The following OR2AJ1 variants were observed in gnomAD, a reference collection of about 807,000 sequenced individuals.
OR2AJ1 encodes the protein olfactory receptor 2AJ1.
For synonymous variants in OR2AJ1, 105 were observed against 60.3 expected, an observed-to-expected ratio of 1.74 and a Z score of -3.44; for missense variants, 280 against 163.2, an observed-to-expected ratio of 1.72 and a Z score of -3.90.
chr1:247,931,523 T>C (rs951802284), intron 1 of OR2AJ1, among the ~76,000 whole-genome samples: 3 of 152,212 alleles, frequency 2.0e-5, no homozygotes, highest in African/African-American at 4.8e-5. Flanking sequence ...TGCCTCATAG[T>C]AGTGGACATA....
At chr1:247,928,272 G>A (rs750105493) in intron 1 of OR2AJ1, among the ~76,000 whole-genome samples, 56 of 152,054 alleles carry the variant, frequency 3.7e-4, no homozygotes, top group Admixed American at 7.9e-4. Context: ...TAGTGATGTT[G>A]AACATTTTTT....
At chr1:247,925,356 C>T (rs937019213) in intron 1 of OR2AJ1, among the ~76,000 whole-genome samples, 188 bp downstream of exon 1, 20 of 152,182 alleles carry the variant, frequency 1.3e-4, no homozygotes, top group Middle Eastern at 3.4e-3. Flanking sequence ...TCTGACAGAG[C>T]AGATTCTGAG....
chr1:247,931,358 C>T (rs1196938761), intron 1 of OR2AJ1, among the ~76,000 whole-genome samples: 4 of 152,136 alleles, frequency 2.6e-5, no homozygotes, highest in Non-Finnish European at 5.9e-5. Flanking sequence ...TTTCTCTTTG[C>T]ATACAATGGC....
At chr1:247,927,140 T>A (rs972633175) in intron 1 of OR2AJ1, among the ~76,000 whole-genome samples, 1 of 152,224 alleles carries the variant, frequency 6.6e-6, no homozygotes, top group Admixed American at 6.5e-5. Flanking sequence ...TGGACTTTGC[T>A]TTGTGTTCTG....
chr1:247,933,383 C>T (rs1224287882), intron 1 of OR2AJ1, among the ~76,000 whole-genome samples: 1 of 152,124 alleles, frequency 6.6e-6, no homozygotes, highest in East Asian at 1.9e-4. Flanking sequence ...CAAGGAGGAC[C>T]AGGAAATTAG....
intron 1 of OR2AJ1, among the ~76,000 whole-genome samples, chr1:247,929,491 G>A (rs1660128818): frequency 6.6e-6 from 1 of 151,970 alleles, no homozygotes; most frequent in South Asian, 2.1e-4. Flanking sequence ...ACAAAAAAGA[G>A]TAAGAATATA....
chr1:247,926,011 A>G (rs78570845), intron 1 of OR2AJ1, among the ~76,000 whole-genome samples: 15,959 of 152,270 alleles, frequency 0.1, 1,137 homozygotes, highest in Admixed American at 0.23. Flanking sequence ...CTGCATACAT[A>G]CATAATGTAC....
rs79168188 is a variant in OR2AJ1, at chr1:247,933,798, T to C, written c.30T>C (p.Ser10=). 6,006 of 613,372 alleles carry C rather than the reference T, an allele frequency of 9.8e-3. 194 individuals are homozygous for C. The highest frequency in any genetic ancestry group is 0.075 in the African/African-American group (4,035 of 54,042). 38.0% of individuals were successfully genotyped at this position (613,372 alleles called of 1,614,324 possible). Residue 10 remains serine (S), a synonymous_variant, in exon 2 of 2, where the codon AGT becomes AGC. Coordinates refer to ENST00000318244, the MANE Select transcript of OR2AJ1 (RefSeq NM_001355235.2). Reference sequence around the variant, plus strand: ...GCCATCAGAATCACACTTTCAGCAGTGATTTCATACTTTTGGGATTGTTCT... The same window carrying C: ...GCCATCAGAATCACACTTTCAGCAGCGATTTCATACTTTTGGGATTGTTCT... MGHQNHTFS[S]DFILLGLFSS...
intron 1 of OR2AJ1, among the ~76,000 whole-genome samples, chr1:247,927,404 A>G (rs970212601): frequency 6.6e-6 from 1 of 152,036 alleles, no homozygotes; most frequent in Non-Finnish European, 1.5e-5. Context: ...TTCTTGTACA[A>G]ATTTATGGGG....
intron 1 of OR2AJ1, among the ~76,000 whole-genome samples, chr1:247,932,501 A>G (rs1036453208): frequency 5.3e-5 from 8 of 152,236 alleles, no homozygotes; most frequent in Non-Finnish European, 7.3e-5. Context: ...TGATCTGTTT[A>G]TGAAGAATCT....
intron 1 of OR2AJ1, among the ~76,000 whole-genome samples, chr1:247,929,032 A>G (rs1660123856): frequency 1.3e-5 from 2 of 152,210 alleles, no homozygotes; most frequent in African/African-American, 4.8e-5. Context: ...TGGCAGTAAC[A>G]AGGAGAAGAC....
At chr1:247,931,500 C>T (rs1049726671) in intron 1 of OR2AJ1, among the ~76,000 whole-genome samples, 2 of 152,002 alleles carry the variant, frequency 1.3e-5, no homozygotes, top group Non-Finnish European at 2.9e-5. Context: ...AAAAAAGTTG[C>T]AGAAATATGA....
chr1:247,927,743 TA>T (rs942748406), intron 1 of OR2AJ1, among the ~76,000 whole-genome samples: 9 of 152,170 alleles, frequency 5.9e-5, no homozygotes, highest in African/African-American at 2.2e-4. Flanking sequence ...TCAGGTTTTT[TA>T]ACCTTCTGTA....
intron 1 of OR2AJ1, among the ~76,000 whole-genome samples, chr1:247,926,259 T>C (rs1433233585): frequency 1.3e-5 from 2 of 152,204 alleles, no homozygotes; most frequent in Non-Finnish European, 2.9e-5. Context: ...TTTTTACTAT[T>C]AAAAACTGAA....
intron 1 of OR2AJ1, among the ~76,000 whole-genome samples, chr1:247,926,818 T>A (rs1360646793): frequency 6.6e-6 from 1 of 152,226 alleles, no homozygotes; most frequent in Non-Finnish European, 1.5e-5. Context: ...TAGTTAAATG[T>A]GGCTACACTG....
chr1:247,929,331 A>G (rs1464559779), intron 1 of OR2AJ1, among the ~76,000 whole-genome samples: 1 of 152,082 alleles, frequency 6.6e-6, no homozygotes, highest in Non-Finnish European at 1.5e-5. Flanking sequence ...TTCACGCATT[A>G]TATTGTACTT....
rs956305685 is a variant in OR2AJ1 at position 247,934,311 on chromosome 1, C to T, written c.543C>T (p.Val181=). The part of the protein sequence containing the change: ...SRAIDHFFCE[V]PAMLKLSCAD... ...CAATTGATCACTTCTTCTGTGAAGTCCCTGCCATGTTGAAGTTGTCCTGTG... is the reference window on the plus strand; with the variant it reads ...CAATTGATCACTTCTTCTGTGAAGTTCCTGCCATGTTGAAGTTGTCCTGTG... Residue 181 remains valine, a synonymous_variant, in exon 2 of 2, where the codon GTC becomes GTT. Transcript: ENST00000318244. 1 of 738,504 alleles carries T rather than the reference C, an allele frequency of 1.4e-6. No individual in the cohort carries two copies. Among genetic ancestry groups the T allele is most frequent in the Admixed American group, 1.9e-5 (1 of 52,814 alleles). The allele number at this position is 738,504 out of a possible 1,614,324, so 45.7% of individuals were successfully genotyped here.
chr1:247,930,393 G>T (rs1660138968), intron 1 of OR2AJ1, among the ~76,000 whole-genome samples: 2 of 152,114 alleles, frequency 1.3e-5, no homozygotes, highest in Admixed American at 1.3e-4. Flanking sequence ...TGAATATGTG[G>T]TGTGTTTTAA....
At chr1:247,929,643 G>T (rs1310330809) in intron 1 of OR2AJ1, among the ~76,000 whole-genome samples, 2 of 115,982 alleles carry the variant, frequency 1.7e-5, no homozygotes, top group East Asian at 4.4e-4. Context: ...TGCAGTGGGG[G>T]TATTTAATGA....
Sources: gnomAD v4.1 joint callset for allele counts (sites outside exome capture counted in the v4.1 genomes callset) on GRCh38, gnomAD v4.1.1 for gene constraint, MANE v1.5 for transcripts, NCBI Gene and HGNC (gene_info 2026-07-23, HGNC 2026-07-21) for gene names.